SMOC2: variants seen among roughly 807,000 people sequenced by gnomAD.
SMOC2 encodes SPARC-related modular calcium-binding protein 2.
A neutral mutation model predicts 61.4 loss-of-function variants in SMOC2; 39 were observed. The ratio of observed to expected loss-of-function variants is 0.64; its 90% CI spans 0.49 to 0.83. SMOC2 has a LOEUF of 0.83. Among genes scored for constraint, SMOC2 ranks in the 40% least tolerant of loss-of-function variants. The probability of loss-of-function intolerance (pLI) is 0.00; values close to 1 mark genes in which losing one functional copy is unlikely to be tolerated. For synonymous variants in SMOC2, 247 were observed against 239.9 expected, an observed-to-expected ratio of 1.03 and a Z score of -0.27; for missense variants, 556 against 592.9, an observed-to-expected ratio of 0.94 and a Z score of 0.65.
In SMOC2 at chr6:168,666,371, C is replaced by T. The variant is rs571162612; in HGVS notation, c.1324-50C>T. On this transcript the variant is annotated intron_variant, in intron 12 of 12. Coordinates refer to ENST00000356284, the MANE Select transcript of SMOC2 (RefSeq NM_001166412.2). ...CCAAGCCTTAGTCTTCACAGATGAGCGACACACACCTCTGAATATAATGTC... is the reference window on the plus strand; with the variant it reads ...CCAAGCCTTAGTCTTCACAGATGAGTGACACACACCTCTGAATATAATGTC... The T allele has an allele frequency of 2.5e-5, 41 of 1,610,948 alleles. No individual in the cohort carries two copies. In the Admixed American group the frequency reaches 3.7e-4, roughly 14 times the overall value.
At chr6:168,576,907 C>T (rs1239451903) in intron 7 of SMOC2, among the ~76,000 whole-genome samples, 1 of 151,988 alleles carries the variant, frequency 6.6e-6, no homozygotes, top group Non-Finnish European at 1.5e-5. Flanking sequence ...TAGATTTTTC[C>T]CCTCAAGCAC....
At chr6:168,595,783 A>C (rs372733608) in intron 7 of SMOC2, among the ~76,000 whole-genome samples, 35 of 152,322 alleles carry the variant, frequency 2.3e-4, no homozygotes, top group African/African-American at 7.9e-4. Flanking sequence ...ATGCTCATCA[A>C]ATTTTAAGAG....
chr6:168,659,667 T>A (rs201444701), intron 11 of SMOC2, among the ~76,000 whole-genome samples: 12 of 129,048 alleles, frequency 9.3e-5, no homozygotes, highest in South Asian at 2.6e-4. Context: ...GGTTGTAGGC[T>A]GGGTGAGGGT....
chr6:168,514,843 G>C (rs572710865), intron 2 of SMOC2, among the ~76,000 whole-genome samples: 171 of 152,252 alleles, frequency 1.1e-3, no homozygotes, highest in Non-Finnish European at 1.6e-3. Context: ...CTTTGAGGAT[G>C]AGCATGTGAG....
chr6:168,466,870 G>A (rs951492347), intron 1 of SMOC2, among the ~76,000 whole-genome samples: 2 of 152,192 alleles, frequency 1.3e-5, no homozygotes, highest in Non-Finnish European at 2.9e-5. Context: ...CCGGTGGGGC[G>A]GTAAATCCCA....
intron 2 of SMOC2, among the ~76,000 whole-genome samples, chr6:168,522,062 T>A (rs1242811667): frequency 6.6e-6 from 1 of 152,242 alleles, no homozygotes; most frequent in Non-Finnish European, 1.5e-5. Flanking sequence ...TTAACACTTT[T>A]ATTTAAAGTG....
intron 1 of SMOC2, among the ~76,000 whole-genome samples, chr6:168,476,728 A>G (rs1782096651): frequency 6.6e-6 from 1 of 152,116 alleles, no homozygotes; most frequent in Non-Finnish European, 1.5e-5. Context: ...TACTACTAAA[A>G]ATAATATTGC....
chr6:168,548,828 A>AT (rs566570455), intron 6 of SMOC2, among the ~76,000 whole-genome samples: 34 of 152,350 alleles, frequency 2.2e-4, no homozygotes, highest in African/African-American at 7.9e-4. Context: ...ACAAGAATAT[A>AT]TTTTTGTACA....
chr6:168,446,676 T>A (rs1781339763), intron 1 of SMOC2, among the ~76,000 whole-genome samples: 1 of 152,176 alleles, frequency 6.6e-6, no homozygotes, highest in African/African-American at 2.4e-5. Context: ...TAAAAAGAAA[T>A]TGCTCTGAAA....
chr6:168,556,527 T>G (rs1409315637), intron 7 of SMOC2, among the ~76,000 whole-genome samples: 1 of 151,882 alleles, frequency 6.6e-6, no homozygotes, highest in Non-Finnish European at 1.5e-5. Flanking sequence ...GGCGTCTGTT[T>G]CCTGCCTCCT....
chr6:168,663,695 A>G (rs905818368), intron 11 of SMOC2, among the ~76,000 whole-genome samples: 1 of 152,258 alleles, frequency 6.6e-6, no homozygotes, highest in Non-Finnish European at 1.5e-5. Flanking sequence ...ACTTGCATCA[A>G]AAATGCTCAG....
chr6:168,664,668 C>T (rs761373994), intron 12 of SMOC2: 37 of 466,208 alleles, frequency 7.9e-5, no homozygotes, highest in Non-Finnish European at 1.6e-4. Flanking sequence ...AAGGGGCTTT[C>T]GGCTCCTGCT....
At chr6:168,664,206 T>C (rs1390403554) in intron 12 of SMOC2, 95 bp downstream of exon 12, 10 of 638,350 alleles carry the variant, frequency 1.6e-5, no homozygotes, top group Non-Finnish European at 2.6e-5. Context: ...GCCAGTACCT[T>C]CCAAGAAAAT....
intron 7 of SMOC2, among the ~76,000 whole-genome samples, chr6:168,560,189 G>C (rs1161561442): frequency 6.6e-6 from 1 of 152,026 alleles, no homozygotes; most frequent in Non-Finnish European, 1.5e-5. Flanking sequence ...CTACATTTGT[G>C]TCTCAGATAA....
intron 7 of SMOC2, among the ~76,000 whole-genome samples, chr6:168,556,104 C>T (rs1784242803): frequency 6.6e-6 from 1 of 152,144 alleles, no homozygotes; most frequent in Non-Finnish European, 1.5e-5. Context: ...CCCTCCACGT[C>T]CAGGCCTTCC....
At position 168,596,614 on chromosome 6, in the gene SMOC2, A is replaced by T. The variant is rs75925955; in HGVS notation, c.638-2204A>T. Among the ~76,000 whole-genome samples, 8 of 152,360 alleles carry T rather than the reference A, an allele frequency of 5.3e-5. No homozygotes were observed. The East Asian group carries it at 1.5e-3, about 29-fold the overall frequency. On this transcript the variant is annotated intron_variant, in intron 7 of 12. Coordinates refer to ENST00000356284, the MANE Select transcript of SMOC2 (RefSeq NM_001166412.2). ...TCCGGAGGCGCAGTTCCATTGAGTG[A>T]TGCACCAAGTGCTCTGAGGATTTCT...
chr6:168,563,099 G>A (rs536714235), intron 7 of SMOC2, among the ~76,000 whole-genome samples: 24 of 152,338 alleles, frequency 1.6e-4, no homozygotes, highest in Admixed American at 5.9e-4. Context: ...TGCCACAGCC[G>A]CCACAGACTC....
At chr6:168,476,897 C>T (rs575058977) in intron 1 of SMOC2, among the ~76,000 whole-genome samples, 1 of 151,130 alleles carries the variant, frequency 6.6e-6, no homozygotes, top group South Asian at 2.1e-4. Flanking sequence ...ACATTTGGAA[C>T]TGCTTGGAGC....
intron 11 of SMOC2, among the ~76,000 whole-genome samples, chr6:168,658,944 G>A (rs1787398672): frequency 6.6e-6 from 1 of 151,050 alleles, no homozygotes; most frequent in South Asian, 2.1e-4. Context: ...TATGTGTGGT[G>A]TGTGTGGTGT....
Sources: allele counts gnomAD v4.1 joint callset (sites outside exome capture counted in the v4.1 genomes callset), GRCh38; gene constraint gnomAD v4.1.1; transcripts MANE v1.5; gene names NCBI Gene and HGNC (gene_info 2026-07-23, HGNC 2026-07-21).